Variants in KIF18B observed in about 807,000 individuals in gnomAD.
KIF18B encodes kinesin family member 18B, also known as kinesin-like protein KIF18B.
KIF18B carries 49 observed loss-of-function variants against 80.9 expected under a neutral mutation model. That is an observed-to-expected ratio of 0.61 (90% confidence interval 0.48 to 0.77). KIF18B has a LOEUF of 0.77. KIF18B is among the 30% of genes least tolerant of loss of function. KIF18B has a pLI of 0.00. For synonymous variants in KIF18B, 439 were observed against 463.9 expected (o/e 0.95, Z 0.69); for missense variants, 994 against 1,127.7 (o/e 0.88, Z 1.70).
intron 1 of KIF18B, among the ~76,000 whole-genome samples, chr17:44,940,690 T>G (rs2052399926): frequency 6.6e-6 from 1 of 152,182 alleles, no homozygotes; most frequent in African/African-American, 2.4e-5. Flanking sequence ...GATGGATGCC[T>G]TCCAGGTAAA....
In KIF18B at chr17:44,934,476, A is replaced by G; in HGVS notation, c.687+31T>C. On this transcript the variant is annotated intron_variant, in intron 5 of 15. Transcript: ENST00000593135. The surrounding 1 kb of genome is among the most constrained non-coding windows in gnomAD (Gnocchi z 5.4). ...TGAGGGGGAGATGGGCATCAGGGGC[A>G]CTGGTTTCAGGCTCTGACCCATGAC... 6.2e-7 allele frequency: 1 copy of G among 1,606,136 alleles called. No individual in the cohort carries two copies. Among genetic ancestry groups the G allele is most frequent in the Non-Finnish European group, 8.5e-7 (1 of 1,175,148 alleles).
At chr17:44,933,828 G>T in intron 7 of KIF18B, 95 bp downstream of exon 7, 1 of 1,204,832 alleles carries the variant, frequency 8.3e-7, no homozygotes, top group Non-Finnish European at 1.1e-6. Context: ...GGGGACACTT[G>T]GCCCAGGGAT....
Position 44,932,144 on chromosome 17 carries a change from A to G in KIF18B, c.1301T>C (p.Met434Thr), listed in dbSNP as rs2052167466. ...PRALQEESLG[M>T]EAQVERAMEG... Reference sequence around the variant, plus strand: ...CATGGCCCTCTCCACCTGGGCCTCCATCCCCAGACTCTCCTCTTGAAGGGC... The same window carrying G: ...CATGGCCCTCTCCACCTGGGCCTCCGTCCCCAGACTCTCCTCTTGAAGGGC... Residue 434 changes from methionine to threonine, a missense_variant, in exon 10 of 16, where the codon ATG (methionine) becomes ACG (threonine). Met to Thr is a moderately conservative substitution (Grantham distance 81). Transcript: ENST00000593135. 3.1e-6 allele frequency: 5 copies of G among 1,613,710 alleles called. No homozygotes were observed. The highest frequency in any genetic ancestry group is 4.2e-6 in the Non-Finnish European group (5 of 1,179,794).
At chr17:44,933,186 G>C (rs548376325) in intron 7 of KIF18B, among the ~76,000 whole-genome samples, 200 bp from the exon 8 acceptor site, 1 of 152,242 alleles carries the variant, frequency 6.6e-6, no homozygotes, top group Non-Finnish European at 1.5e-5. Context: ...CCACGACTAA[G>C]ACCTTCTTGC....
chr17:44,933,532 G>A (rs538052034), intron 7 of KIF18B, among the ~76,000 whole-genome samples: 2 of 150,632 alleles, frequency 1.3e-5, no homozygotes, highest in Non-Finnish European at 3.0e-5. Flanking sequence ...TAGCTCTGTC[G>A]CCCAGGCTGG....
At chr17:44,946,617 T>G (rs934819050) in intron 1 of KIF18B, among the ~76,000 whole-genome samples, 2 of 152,208 alleles carry the variant, frequency 1.3e-5, no homozygotes, top group Non-Finnish European at 2.9e-5. Flanking sequence ...ACTGTTAGAA[T>G]TATATGACAT....
rs2052016612 is a variant in KIF18B, at chr17:44,925,993, T to C, written c.*87A>G. On this transcript the variant is annotated 3_prime_UTR_variant, in exon 16 of 16. Coordinates refer to ENST00000593135, the MANE Select transcript of KIF18B (RefSeq NM_001265577.2). Reference sequence around the variant, plus strand: ...AGGTAAGGAAGGCAGGTCCAGCTCCTGGTGCAGGTGGCTACAGGTCCAAGA... The same window carrying C: ...AGGTAAGGAAGGCAGGTCCAGCTCCCGGTGCAGGTGGCTACAGGTCCAAGA... 16 of 1,428,240 alleles carry C rather than the reference T, an allele frequency of 1.1e-5. No homozygotes were observed. The highest frequency in any genetic ancestry group is 1.4e-5 in the African/African-American group (1 of 70,720). 88.5% of individuals were successfully genotyped at this position (1,428,240 alleles called of 1,614,324 possible).
chr17:44,936,249 C>T lies in KIF18B; in HGVS notation c.96G>A (p.Val32=). The T allele has an allele frequency of 6.2e-7, 1 of 1,610,688 alleles. No homozygotes were observed. Among genetic ancestry groups the T allele is most frequent in the East Asian group, 2.2e-5 (1 of 44,796 alleles). ...TAAACACCAGCACCCGCTCGTCCAC[C>T]ACCTGAACCACTGGCCGCCGCTGAC... ...LDSQRRPVVQ[V]VDERVLVFNP... Residue 32 remains valine (V), a synonymous_variant, in exon 2 of 16, where the codon GTG becomes GTA. Coordinates refer to ENST00000593135, the MANE Select transcript of KIF18B (RefSeq NM_001265577.2).
At chr17:44,929,572 T>C (rs566932967) in intron 11 of KIF18B, among the ~76,000 whole-genome samples, 2 of 152,204 alleles carry the variant, frequency 1.3e-5, no homozygotes, top group South Asian at 4.1e-4. Flanking sequence ...CCCCACCTCA[T>C]AGGGTTATTG....
At chr17:44,935,218 G>C (rs761128899) in intron 3 of KIF18B, 41 bp downstream of exon 3, 2 of 1,541,166 alleles carry the variant, frequency 1.3e-6, no homozygotes, top group African/African-American at 1.4e-5. Flanking sequence ...ACTTCCCCCC[G>C]GGTGGTTGTG....
At position 44,927,153 on chromosome 17, in the gene KIF18B, C is replaced by T; in HGVS notation, c.2277-75G>A. ...AAGGCCAGCCACTTCCTCCCTCCAG[C>T]CCCCAGCTCGGGCATGGGGGAGGGT... On this transcript the variant is annotated intron_variant, in intron 13 of 15. Coordinates refer to ENST00000593135, the MANE Select transcript of KIF18B (RefSeq NM_001265577.2). The surrounding 1 kb of genome is among the most constrained non-coding windows in gnomAD (Gnocchi z 4.1). 1 of 1,156,624 alleles carries T rather than the reference C, an allele frequency of 8.6e-7. No individual in the cohort carries two copies. The highest frequency in any genetic ancestry group is 1.5e-5 in the South Asian group (1 of 66,246). The allele number at this position is 1,156,624 out of a possible 1,614,324, so 71.6% of individuals were successfully genotyped here. A position where few individuals can be genotyped will look rare whatever the true frequency, so the allele number is the denominator to read the frequency against.
rs1446207834 is a variant in KIF18B at position 44,934,106 on chromosome 17, G to A, written c.886-7C>T. 1.1e-5 allele frequency: 18 copies of A among 1,611,878 alleles called. No homozygotes were observed. The highest frequency in any genetic ancestry group is 5.0e-5 in the Admixed American group (3 of 59,754). On this transcript the variant is annotated splice_region_variant and splice_polypyrimidine_tract_variant and intron_variant, in intron 6 of 15. Transcript: ENST00000593135. This position sits in a 1 kb window ranked among gnomAD's most constrained non-coding sequence, Gnocchi z 5.4. ...GCACATGGGTCTTGCGGCCCTGGGG[G>A]GCAGTAAGCAGGTGTGGGGTGAGGC... is the stretch of plus-strand genomic sequence containing the variant.
rs778224003 is a variant in KIF18B, at chr17:44,936,013, G to A, written c.313+19C>T. On this transcript the variant is annotated intron_variant, in intron 2 of 15. Coordinates refer to ENST00000593135, the MANE Select transcript of KIF18B (RefSeq NM_001265577.2). ...GGCAGGGAGGCCAGGCCACTGCCAG[G>A]CAGGGCTGAGGTTCTCACCTGAGCA... The A allele has an allele frequency of 3.7e-6, 6 of 1,608,638 alleles. No individual in the cohort carries two copies. The African/African-American group carries it at 8.0e-5, about 21-fold the overall frequency.
In KIF18B at chr17:44,935,361, C is replaced by G; in HGVS notation, c.369G>C (p.Glu123Asp). ...TCAGGTACATGATGCCGGGGTCCCC[C>G]TCCCTTCCCAGCATGGTGTGTGTCT... ...AGKTHTMLGR[E>D]GDPGIMYLTT... The change falls in exon 3 of 16, where the codon GAG becomes GAC. Residue 123 changes from glutamate to aspartate, a missense_variant. By Grantham distance (45) the Glu-to-Asp change is conservative (BLOSUM62 2). Coordinates refer to ENST00000593135, the MANE Select transcript of KIF18B (RefSeq NM_001265577.2). The G allele has an allele frequency of 6.2e-7, 1 of 1,613,350 alleles. No individual in the cohort carries two copies. Among genetic ancestry groups the G allele is most frequent in the South Asian group, 1.1e-5 (1 of 90,918 alleles).
Position 44,941,181 on chromosome 17 carries a change from G to C in KIF18B, c.-14-4823C>G, listed in dbSNP as rs575711128. On this transcript the variant is annotated intron_variant, in intron 1 of 15. Coordinates refer to ENST00000593135, the MANE Select transcript of KIF18B (RefSeq NM_001265577.2). ...AATCCAGGCAGTCTGACTACACATC[G>C]GGCTATACTGCCTTATAGTGATATT... Among the ~76,000 whole-genome samples, 7 of 152,128 alleles carry C rather than the reference G, an allele frequency of 4.6e-5. No homozygotes were observed. The East Asian group carries it at 1.4e-3, about 29-fold the overall frequency.
chr17:44,933,187 AC>A (rs1443279267), intron 7 of KIF18B, among the ~76,000 whole-genome samples: 3 of 151,906 alleles, frequency 2.0e-5, no homozygotes, highest in African/African-American at 7.3e-5. Flanking sequence ...CACGACTAAG[AC>A]CTTCTTGCCA....
At chr17:44,940,457 C>T (rs74344627) in intron 1 of KIF18B, among the ~76,000 whole-genome samples, 12,807 of 152,150 alleles carry the variant, frequency 0.084, 604 homozygotes, top group Middle Eastern at 0.19. Flanking sequence ...TAATTCCAAA[C>T]ATATATTTAC....
intron 11 of KIF18B, 128 bp downstream of exon 11, chr17:44,931,474 C>T: frequency 8.1e-7 from 1 of 1,231,270 alleles, no homozygotes; most frequent in Non-Finnish European, 1.2e-6. Flanking sequence ...GAGGTGAAAC[C>T]AGGTAAAGGA....
Position 44,926,193 on chromosome 17 carries a change from G to C in KIF18B, c.2453-7C>G, listed in dbSNP as rs959215919. 1.2e-6 allele frequency: 2 copies of C among 1,613,788 alleles called. No homozygotes were observed. The highest frequency in any genetic ancestry group is 1.7e-6 in the Non-Finnish European group (2 of 1,179,812). ...AGGGGACTCAAGGGCAGCTCTGCAGGCCAGTTGGATGGGTGGCGGGGAGTG... is the reference window on the plus strand; with the variant it reads ...AGGGGACTCAAGGGCAGCTCTGCAGCCCAGTTGGATGGGTGGCGGGGAGTG... On this transcript the variant is annotated splice_polypyrimidine_tract_variant and splice_region_variant and intron_variant, in intron 15 of 15. Transcript: ENST00000593135.
Sources: allele counts gnomAD v4.1 joint callset (sites outside exome capture counted in the v4.1 genomes callset), GRCh38; gene constraint gnomAD v4.1.1; non-coding constraint Gnocchi (gnomAD v3.1); transcripts MANE v1.5; gene names NCBI Gene and HGNC (gene_info 2026-07-23, HGNC 2026-07-21).